Variants in ZBTB26 observed in about 807,000 individuals in gnomAD.
The protein encoded by ZBTB26 is zinc finger and BTB domain containing 26.
In ZBTB26, 12 loss-of-function variants were observed where a neutral mutation model predicts 31.6. The ratio of observed to expected loss-of-function variants is 0.38; its 90% CI spans 0.24 to 0.61. The LOEUF is 0.61. ZBTB26 is among the 20% of genes least tolerant of loss of function. The pLI is 0.60. For missense variants in ZBTB26, 311 were observed against 521.9 expected (o/e 0.60, Z 3.94); for synonymous variants, 155 against 182.9 (o/e 0.85, Z 1.23).
At chr9:122,926,812 G>A (rs768201745) in intron 1 of ZBTB26, among the ~76,000 whole-genome samples, 1 of 151,924 alleles carries the variant, frequency 6.6e-6, no homozygotes, top group Non-Finnish European at 1.5e-5. Flanking sequence ...TCCATCTTTT[G>A]TGTATTTATC....
At position 122,919,197 on chromosome 9, in the gene ZBTB26, G is replaced by A. The variant is rs777342329; in HGVS notation, c.738C>T (p.Gly246=). ...TTGAGGCCATGATGATGTTATCACT[G>A]CCTGTATAAGAAAGGGCATAATTGT... ...HLHNYALSYT[G]SDNIIMASKD... is the part of the protein sequence containing the mutation. Residue 246 remains glycine (G), a synonymous_variant, in exon 2 of 2, where the codon GGC becomes GGT. Transcript: ENST00000373656. This position sits in a 1 kb window ranked among gnomAD's most constrained non-coding sequence, Gnocchi z 6.1. The A allele has an allele frequency of 6.2e-7, 1 of 1,614,198 alleles. No homozygotes were observed. The highest frequency in any genetic ancestry group is 8.5e-7 in the Non-Finnish European group (1 of 1,180,050).
At chr9:122,925,804 CTT>C (rs1457583336) in intron 1 of ZBTB26, among the ~76,000 whole-genome samples, 1 of 130,278 alleles carries the variant, frequency 7.7e-6, no homozygotes, top group Non-Finnish European at 1.6e-5. Flanking sequence ...GAGTTTCACT[CTT>C]GTCACCCAGG....
intron 1 of ZBTB26, among the ~76,000 whole-genome samples, chr9:122,929,145 C>G (rs1391579726): frequency 6.6e-6 from 1 of 152,040 alleles, no homozygotes; most frequent in African/African-American, 2.4e-5. Flanking sequence ...GCCAGAGAAG[C>G]CTGCATGACA....
rs1833058885 is a variant in ZBTB26, at chr9:122,919,181, T to C, written c.754A>G (p.Met252Val). ...LSYTGSDNII[M>V]ASKDVFGPNI... ...GGGCCAAAGACATCTTTTGAGGCCATGATGATGTTATCACTGCCTGTATAA... is the reference window on the plus strand; with the variant it reads ...GGGCCAAAGACATCTTTTGAGGCCACGATGATGTTATCACTGCCTGTATAA... Residue 252 changes from methionine to valine, a missense_variant, in exon 2 of 2, where the codon ATG (methionine) becomes GTG (valine). Physicochemically the swap from Met to Val is conservative, Grantham distance 21 (BLOSUM62 1). This residue lies in a region of ZBTB26 where 207 missense variants were observed against 298.6 expected (regional missense o/e 0.69). Coordinates refer to ENST00000373656, the MANE Select transcript of ZBTB26 (RefSeq NM_020924.4). The surrounding 1 kb of genome is among the most constrained non-coding windows in gnomAD (Gnocchi z 6.1). 2 of 1,614,254 alleles carry C rather than the reference T, an allele frequency of 1.2e-6. No homozygotes were observed. The highest frequency in any genetic ancestry group is 1.7e-6 in the Non-Finnish European group (2 of 1,180,042).
In ZBTB26 at chr9:122,915,924, A is replaced by C. The variant is rs1833012293; in HGVS notation, c.*2685T>G. ...GGGATCCATAAAATACAAATGCTGA[A>C]TGATAAAGGTTTTAAAAATCTTCCT... On this transcript the variant is annotated 3_prime_UTR_variant, in exon 2 of 2. Transcript: ENST00000373656. 6.6e-6 allele frequency: 1 copy of C among 152,222 alleles called. No homozygotes were observed. Among genetic ancestry groups the C allele is most frequent in the Admixed American group, 6.5e-5 (1 of 15,290 alleles). The allele number at this position is 152,222 out of a possible 1,614,324, so 9.4% of individuals were successfully genotyped here. A position where few individuals can be genotyped will look rare whatever the true frequency, so the allele number is the denominator to read the frequency against.
intron 1 of ZBTB26, among the ~76,000 whole-genome samples, chr9:122,925,853 C>T (rs945483471): frequency 4.6e-5 from 7 of 151,482 alleles, no homozygotes; most frequent in African/African-American, 7.3e-5. Flanking sequence ...CTCCACCTCC[C>T]GGATTCAAGT....
intron 1 of ZBTB26, among the ~76,000 whole-genome samples, chr9:122,923,157 C>G (rs1833127528): frequency 7.5e-6 from 1 of 133,664 alleles, no homozygotes; most frequent in East Asian, 2.1e-4. Context: ...GCACTCCAGC[C>G]TAGGCAACAG....
chr9:122,919,421 T>G lies in ZBTB26; in HGVS notation c.514A>C (p.Ser172Arg). 1 of 1,614,250 alleles carries G rather than the reference T, an allele frequency of 6.2e-7. No homozygotes were observed. Residue 172 changes from serine to arginine, a missense_variant, in exon 2 of 2, where the codon AGT becomes CGT. Transcript: ENST00000373656. The surrounding 1 kb of genome is among the most constrained non-coding windows in gnomAD (Gnocchi z 6.1). ...DSPCIHPSEDSMDMEDSDIQI... is the reference protein window; with the variant it reads ...DSPCIHPSEDRMDMEDSDIQI... ...ATATCACTGTCCTCCATATCCATACTGTCTTCAGATGGATGAATACAAGGT... is the reference window on the plus strand; with the variant it reads ...ATATCACTGTCCTCCATATCCATACGGTCTTCAGATGGATGAATACAAGGT...
rs1487960720 is a variant in ZBTB26, at chr9:122,916,943, G to A, written c.*1666C>T. The A allele has an allele frequency of 2.6e-5, 4 of 152,082 alleles. No homozygotes were observed. The highest frequency in any genetic ancestry group is 2.9e-5 in the Non-Finnish European group (2 of 67,992). The allele number at this position is 152,082 out of a possible 1,614,324, so 9.4% of individuals were successfully genotyped here. A position where few individuals can be genotyped will look rare whatever the true frequency, so the allele number is the denominator to read the frequency against. Reference sequence around the variant, plus strand: ...AAAAATAAAAACAGAAAATCCTGATGGAAACTAATAAACAGTTTTCCACAC... The same window carrying A: ...AAAAATAAAAACAGAAAATCCTGATAGAAACTAATAAACAGTTTTCCACAC... On this transcript the variant is annotated 3_prime_UTR_variant, in exon 2 of 2. Coordinates refer to ENST00000373656, the MANE Select transcript of ZBTB26 (RefSeq NM_020924.4).
At chr9:122,925,916 A>T (rs1833170998) in intron 1 of ZBTB26, among the ~76,000 whole-genome samples, 1 of 151,716 alleles carries the variant, frequency 6.6e-6, no homozygotes, top group Admixed American at 6.6e-5. Flanking sequence ...AGGCGCCACC[A>T]CGCCTGGCTA....
chr9:122,927,920 C>T (rs1833207661), intron 1 of ZBTB26, among the ~76,000 whole-genome samples: 1 of 152,032 alleles, frequency 6.6e-6, no homozygotes, highest in African/African-American at 2.4e-5. Flanking sequence ...ACTGCAACCT[C>T]CACCTCCGAG....
At position 122,916,587 on chromosome 9, in the gene ZBTB26, A is replaced by G. The variant is rs1423875266; in HGVS notation, c.*2022T>C. The G allele has an allele frequency of 6.6e-6, 1 of 152,208 alleles. No individual in the cohort carries two copies. Among genetic ancestry groups the G allele is most frequent in the Non-Finnish European group, 1.5e-5 (1 of 68,026 alleles). The allele number at this position is 152,208 out of a possible 1,614,324, so 9.4% of individuals were successfully genotyped here. On this transcript the variant is annotated 3_prime_UTR_variant, in exon 2 of 2. Transcript: ENST00000373656. ...TGATGTTGACAGAAAATACCAAAAA[A>G]TGCTGTTTGGTTGACAGGGTAGAGT...
At chr9:122,927,157 C>T (rs570497376) in intron 1 of ZBTB26, among the ~76,000 whole-genome samples, 2 of 152,292 alleles carry the variant, frequency 1.3e-5, no homozygotes, top group South Asian at 2.1e-4. Flanking sequence ...GAGATTAAAT[C>T]TGAATACTGT....
Position 122,917,904 on chromosome 9 carries a change from G to C in ZBTB26, c.*705C>G, listed in dbSNP as rs558471715. On this transcript the variant is annotated 3_prime_UTR_variant, in exon 2 of 2. Transcript: ENST00000373656. ...CGCCCATGTAAGTGCTGTTGTATAA[G>C]TGTACTTCTATCCCTGTTGATTATG... 6.6e-6 allele frequency: 1 copy of C among 152,270 alleles called. No individual in the cohort carries two copies. Among genetic ancestry groups the C allele is most frequent in the Non-Finnish European group, 1.5e-5 (1 of 68,080 alleles). The allele number at this position is 152,270 out of a possible 1,614,324, so 9.4% of individuals were successfully genotyped here. A position where few individuals can be genotyped will look rare whatever the true frequency, so the allele number is the denominator to read the frequency against.
In ZBTB26 at chr9:122,918,446, T is replaced by C; in HGVS notation, c.*163A>G. ...TGGGAGAGGGCAAAAGTAAGGCAAA[T>C]CCACTCCAAGTGGTAAGTTGCCTGG... On this transcript the variant is annotated 3_prime_UTR_variant, in exon 2 of 2. Transcript: ENST00000373656. 1 of 1,041,944 alleles carries C rather than the reference T, an allele frequency of 9.6e-7. No homozygotes were observed. Among genetic ancestry groups the C allele is most frequent in the Non-Finnish European group, 1.4e-6 (1 of 738,188 alleles). The allele number at this position is 1,041,944 out of a possible 1,614,324, so 64.5% of individuals were successfully genotyped here.
chr9:122,922,913 A>T (rs1316514006), intron 1 of ZBTB26, among the ~76,000 whole-genome samples: 2 of 152,136 alleles, frequency 1.3e-5, no homozygotes, highest in Non-Finnish European at 2.9e-5. Context: ...GTGACCGGCC[A>T]GGCACAGTGG....
At position 122,917,393 on chromosome 9, in the gene ZBTB26, C is replaced by A. The variant is rs1440142305; in HGVS notation, c.*1216G>T. On this transcript the variant is annotated 3_prime_UTR_variant, in exon 2 of 2. Transcript: ENST00000373656. ...TCTAAGGACTCTACTAATACTATTA[C>A]CTAAATCTAACTCATGGGTGAGAAA... 6.6e-6 allele frequency: 1 copy of A among 152,168 alleles called. No homozygotes were observed. Among genetic ancestry groups the A allele is most frequent in the Non-Finnish European group, 1.5e-5 (1 of 68,040 alleles). 9.4% of individuals were successfully genotyped at this position (152,168 alleles called of 1,614,324 possible). A position where few individuals can be genotyped will look rare whatever the true frequency, so the allele number is the denominator to read the frequency against.
intron 1 of ZBTB26, among the ~76,000 whole-genome samples, chr9:122,923,000 A>G (rs1209193300): frequency 6.6e-6 from 1 of 152,082 alleles, no homozygotes; most frequent in African/African-American, 2.4e-5. Flanking sequence ...CCTGGCTAAC[A>G]CAGTGAAACC....
chr9:122,923,448 T>C (rs776816247), intron 1 of ZBTB26, among the ~76,000 whole-genome samples: 53 of 152,144 alleles, frequency 3.5e-4, no homozygotes, highest in Non-Finnish European at 5.6e-4. Context: ...GTAGAAGATA[T>C]ACAGGGAAAA....
Sources: allele counts gnomAD v4.1 joint callset (sites outside exome capture counted in the v4.1 genomes callset), GRCh38; gene constraint gnomAD v4.1.1; regional missense constraint gnomAD v4.1.1; non-coding constraint Gnocchi (gnomAD v3.1); transcripts MANE v1.5; gene names NCBI Gene and HGNC (gene_info 2026-07-23, HGNC 2026-07-21).